RIMS1: variants seen among roughly 807,000 people sequenced by gnomAD.
The protein encoded by RIMS1 is regulating synaptic membrane exocytosis protein 1.
Under a neutral mutation model 214.1 loss-of-function variants are expected in RIMS1, and 83 were observed. The ratio of observed to expected loss-of-function variants is 0.39; its 90% confidence interval spans 0.32 to 0.47. The LOEUF (loss-of-function observed/expected upper bound fraction) is 0.47, where lower values mean the gene tolerates loss of function less well. RIMS1 is among the 20% of genes least tolerant of loss of function. The pLI, the probability that RIMS1 is intolerant of heterozygous loss-of-function variation, is 0.99. For missense variants in RIMS1, 2,050 were observed against 2,161.8 expected, an observed-to-expected ratio of 0.95 and a Z score of 1.03; for synonymous variants, 793 against 786.8, an observed-to-expected ratio of 1.01 and a Z score of -0.13.
chr6:72,056,301 A>G (rs78061319), intron 2 of RIMS1, among the ~76,000 whole-genome samples: 57 of 152,196 alleles, frequency 3.7e-4, no homozygotes, highest in African/African-American at 1.3e-3. Flanking sequence ...AAAAAAAGCT[A>G]CTTATCAGGT....
At position 71,887,167 on chromosome 6, in the gene RIMS1, A is replaced by T. The variant is rs2150296877; in HGVS notation, c.144A>T (p.Glu48Asp). The T allele has an allele frequency of 6.2e-7, 1 of 1,610,576 alleles. No homozygotes were observed. Among genetic ancestry groups the T allele is most frequent in the Non-Finnish European group, 8.5e-7 (1 of 1,178,464 alleles). ...AVMDRQKEEEEKEEAMLKCVV... is the reference protein window; with the variant it reads ...AVMDRQKEEEDKEEAMLKCVV... ...TGGACCGGCAGAAGGAAGAGGAGGA[A>T]AAAGAAGAAGCCATGCTCAAGTAAG... Residue 48 changes from glutamate (E) to aspartate (D), a missense_variant, in exon 1 of 34, where the codon GAA becomes GAT. Physicochemically the swap from Glu to Asp is conservative, Grantham distance 45. Transcript: ENST00000521978.
chr6:72,022,881 G>A (rs1815165041), intron 2 of RIMS1, among the ~76,000 whole-genome samples: 1 of 152,154 alleles, frequency 6.6e-6, no homozygotes, highest in South Asian at 2.1e-4. Context: ...AAAGGCAGAG[G>A]CTTTATTCAT....
At chr6:72,383,811 A>G (rs2098538521) in intron 29 of RIMS1, among the ~76,000 whole-genome samples, 1 of 152,018 alleles carries the variant, frequency 6.6e-6, no homozygotes, top group South Asian at 2.1e-4. Flanking sequence ...ACTGAGACCT[A>G]GCAAGACCCT....
At chr6:72,363,280 T>C (rs1014901756) in intron 29 of RIMS1, among the ~76,000 whole-genome samples, 27 of 152,004 alleles carry the variant, frequency 1.8e-4, no homozygotes, top group Admixed American at 4.6e-4. Flanking sequence ...AAGTAGAGTA[T>C]AGGGAGAAAG....
At chr6:72,204,189 A>G (rs977440286) in intron 6 of RIMS1, among the ~76,000 whole-genome samples, 8 of 152,176 alleles carry the variant, frequency 5.3e-5, no homozygotes, top group African/African-American at 1.9e-4. Context: ...GACTTTGCAT[A>G]TATTTGGAAC....
rs1341234255 is a variant in RIMS1, at chr6:72,182,699, G to A, written c.1228G>A (p.Gly410Ser). Residue 410 changes from glycine to serine, a missense_variant, in exon 6 of 34, where the codon GGC becomes AGC. This residue lies in a region of RIMS1 where 882 missense variants were observed against 828.9 expected (regional missense o/e 1.06). Transcript: ENST00000521978. ...CGCGGCGCTGCCGGAGGGCAAGGCC[G>A]GCAAACGCGCGCCGGCGGCAGCCAG... ...AGAALPEGKA[G>S]KRAPAAARAS... 6.6e-6 allele frequency: 10 copies of A among 1,506,220 alleles called. No individual in the cohort carries two copies. The African/African-American group carries it at 1.3e-4, about 20-fold the overall frequency. 93.3% of individuals were successfully genotyped at this position (1,506,220 alleles called of 1,614,324 possible).
intron 23 of RIMS1, among the ~76,000 whole-genome samples, chr6:72,276,243 A>C (rs2086348938): frequency 6.6e-6 from 1 of 152,256 alleles, no homozygotes; most frequent in African/African-American, 2.4e-5. Context: ...GAAAAAAAGA[A>C]AAGATAATTC....
chr6:72,292,258 G>T (rs558789727), intron 26 of RIMS1, among the ~76,000 whole-genome samples: 2 of 152,196 alleles, frequency 1.3e-5, no homozygotes, highest in African/African-American at 4.8e-5. Flanking sequence ...CTGGATGATT[G>T]AATTTTAGAT....
intron 1 of RIMS1, among the ~76,000 whole-genome samples, chr6:71,951,126 G>T (rs1458435158): frequency 6.6e-6 from 1 of 152,160 alleles, no homozygotes; most frequent in Non-Finnish European, 1.5e-5. Flanking sequence ...ACATATGGAG[G>T]TTAAGATGCT....
intron 2 of RIMS1, among the ~76,000 whole-genome samples, chr6:72,022,571 T>G (rs1212348539): frequency 6.6e-6 from 1 of 152,200 alleles, no homozygotes; most frequent in Non-Finnish European, 1.5e-5. Flanking sequence ...TCATTAAGCA[T>G]TAAATAATTA....
intron 4 of RIMS1, chr6:72,148,511 T>C (rs950950509): frequency 2.2e-6 from 1 of 446,820 alleles, no homozygotes; most frequent in Non-Finnish European, 4.5e-6. Context: ...GAGGGTAGGA[T>C]TATTTGCACT....
At chr6:72,263,062 C>CTGTT (rs1180778718) in intron 19 of RIMS1, 1 of 946,624 alleles carries the variant, frequency 1.1e-6, no homozygotes, top group Non-Finnish European at 1.3e-6. Flanking sequence ...TTGATATCTT[C>CTGTT]TGTTTAACTA....
rs61420518 is a variant in RIMS1, at chr6:72,187,479, G to GTT, written c.1678+4345_1678+4346dup. 2.5e-3 allele frequency among the ~76,000 whole-genome samples: 312 copies of GTT among 125,594 alleles called. 23 individuals carry two copies. Among genetic ancestry groups the GTT allele is most frequent in the African/African-American group, 6.7e-3 (220 of 33,032 alleles). 82.4% of individuals were successfully genotyped at this position (125,594 alleles called of 152,430 possible). A position where few individuals can be genotyped will look rare whatever the true frequency, so the allele number is the denominator to read the frequency against. On this transcript the variant is annotated intron_variant, in intron 6 of 33. Coordinates refer to ENST00000521978, the MANE Select transcript of RIMS1 (RefSeq NM_014989.7). The stretch of plus-strand genomic sequence containing the variant: ...TAATTTGTGTCCAGATATCCTTTTT[G>GTT]TTTTTTTTTTTTTTTTGGAGACAGA...
rs1160369588 is a variant in RIMS1, at chr6:72,159,290, A to AT, written c.472-20283dup. Among the ~76,000 whole-genome samples, 3 of 140,774 alleles carry AT rather than the reference A, an allele frequency of 2.1e-5. 1 individual carries two copies. Among genetic ancestry groups the AT allele is most frequent in the Non-Finnish European group, 4.8e-5 (3 of 61,988 alleles). 92.4% of individuals were successfully genotyped at this position (140,774 alleles called of 152,430 possible). On this transcript the variant is annotated intron_variant, in intron 4 of 33. Coordinates refer to ENST00000521978, the MANE Select transcript of RIMS1 (RefSeq NM_014989.7). ...TTTGAGTTCACTGTAGATTCTGGAT[A>AT]TTAGCCCTTTGTCAGATAAGTAGAT... is the stretch of plus-strand genomic sequence containing the variant.
chr6:72,267,345 A>G (rs1397463570), intron 22 of RIMS1, among the ~76,000 whole-genome samples: 1 of 152,092 alleles, frequency 6.6e-6, no homozygotes, highest in South Asian at 2.1e-4. Context: ...AGAAATTCTC[A>G]AGTTAGTGGA....
intron 2 of RIMS1, among the ~76,000 whole-genome samples, chr6:71,990,668 A>C (rs1352885375): frequency 6.6e-6 from 1 of 152,060 alleles, no homozygotes; most frequent in East Asian, 1.9e-4. Context: ...GGGGGCTGAA[A>C]AGTGAGGAGA....
chr6:72,057,676 T>G (rs974769716), intron 2 of RIMS1, among the ~76,000 whole-genome samples: 1 of 151,906 alleles, frequency 6.6e-6, no homozygotes, highest in Admixed American at 6.6e-5. Context: ...ACTAGCTAAT[T>G]TTTTGTATTT....
At chr6:71,898,181 T>C (rs1772446334) in intron 1 of RIMS1, among the ~76,000 whole-genome samples, 1 of 152,164 alleles carries the variant, frequency 6.6e-6, no homozygotes, top group South Asian at 2.1e-4. Context: ...AAAGTAATCC[T>C]CTGGACAGAC....
intron 8 of RIMS1, among the ~76,000 whole-genome samples, chr6:72,237,283 GAGAA>G (rs962145736): frequency 2.0e-5 from 3 of 151,600 alleles, no homozygotes; most frequent in African/African-American, 7.3e-5. Flanking sequence ...AGAAAGAAAA[GAGAA>G]AGAAAGAAAT....
Sources: allele counts gnomAD v4.1 joint callset (sites outside exome capture counted in the v4.1 genomes callset), GRCh38; gene constraint gnomAD v4.1.1; regional missense constraint gnomAD v4.1.1; transcripts MANE v1.5; gene names NCBI Gene and HGNC (gene_info 2026-07-23, HGNC 2026-07-21).